Variants in STIM2 observed in about 807,000 individuals in gnomAD.
The protein encoded by STIM2 is stromal interaction molecule 2.
Under a neutral mutation model 85.8 loss-of-function variants are expected in STIM2, and 31 were observed. The observed-to-expected ratio is 0.36, with a 90% CI of 0.27 to 0.49. The LOEUF is 0.49. STIM2 is among the 20% of genes least tolerant of loss of function. The pLI is 0.98. For missense variants in STIM2, 841 were observed against 927.6 expected (o/e 0.91, Z 1.21); for synonymous variants, 356 against 331.1 (o/e 1.08, Z -0.82).
chr4:26,941,242 T>C (rs1560214108), intron 2 of STIM2, among the ~76,000 whole-genome samples: 1 of 152,182 alleles, frequency 6.6e-6, no homozygotes, highest in Non-Finnish European at 1.5e-5. Flanking sequence ...TCTTTTAAGA[T>C]TAATTTAAAG....
chr4:26,981,867 C>CTTATT (rs1283729460), intron 3 of STIM2, among the ~76,000 whole-genome samples: 1 of 151,956 alleles, frequency 6.6e-6, no homozygotes, highest in Non-Finnish European at 1.5e-5. Context: ...TATCATTTGC[C>CTTATT]TTATTACAAA....
At chr4:26,927,931 G>A (rs1035235681) in intron 2 of STIM2, among the ~76,000 whole-genome samples, 1 of 149,158 alleles carries the variant, frequency 6.7e-6, no homozygotes, top group East Asian at 2.0e-4. Context: ...TGCTGCTATA[G>A]CAGGGTACTA....
intron 1 of STIM2, among the ~76,000 whole-genome samples, chr4:26,899,753 A>G (rs1330758806): frequency 2.6e-5 from 4 of 152,224 alleles, no homozygotes; most frequent in African/African-American, 9.6e-5. Flanking sequence ...ACAACTATTT[A>G]GCATATTGAA....
chr4:26,975,628 C>T (rs1228444370), intron 3 of STIM2, among the ~76,000 whole-genome samples: 1 of 152,156 alleles, frequency 6.6e-6, no homozygotes, highest in African/African-American at 2.4e-5. Flanking sequence ...CTGGAAGCTT[C>T]GTCCCACAGG....
chr4:27,017,812 C>T lies in STIM2; in HGVS notation c.1591C>T (p.Leu531Phe). ...CTCGCCTCAGCCTCAGCGAGCTCAG[C>T]TTGCTCCACACGCCCCCCACCCGTC... The change falls in exon 11 of 12, where the codon CTT becomes TTT. Residue 531 changes from leucine to phenylalanine, a missense_variant. This residue lies in a region of STIM2 where 293 missense variants were observed against 284.5 expected (regional missense o/e 1.03). Coordinates refer to ENST00000467087, the MANE Select transcript of STIM2 (RefSeq NM_020860.4). 1 of 1,614,176 alleles carries T rather than the reference C, an allele frequency of 6.2e-7. No homozygotes were observed.
intron 3 of STIM2, among the ~76,000 whole-genome samples, chr4:26,986,533 A>G (rs139908761): frequency 3.9e-4 from 60 of 152,352 alleles, no homozygotes; most frequent in African/African-American, 1.4e-3. Context: ...TTACACATGA[A>G]AGGAACAAGT....
chr4:26,923,131 G>A (rs899705751), intron 2 of STIM2, among the ~76,000 whole-genome samples: 4 of 150,954 alleles, frequency 2.6e-5, no homozygotes, highest in African/African-American at 7.3e-5. Flanking sequence ...CACGTCACAC[G>A]GCAGGGTATT....
chr4:26,951,996 A>G (rs1726070301), intron 2 of STIM2, among the ~76,000 whole-genome samples: 1 of 152,162 alleles, frequency 6.6e-6, no homozygotes, highest in African/African-American at 2.4e-5. Flanking sequence ...AGAGAAAATG[A>G]GGAAGATTCA....
At chr4:26,960,940 C>T (rs961370208) in intron 3 of STIM2, among the ~76,000 whole-genome samples, 1 of 151,404 alleles carries the variant, frequency 6.6e-6, no homozygotes, top group Non-Finnish European at 1.5e-5. Context: ...GGTGCGCTCC[C>T]GTCATCCCAG....
At chr4:26,937,956 C>G (rs1725453810) in intron 2 of STIM2, among the ~76,000 whole-genome samples, 1 of 152,096 alleles carries the variant, frequency 6.6e-6, no homozygotes, top group African/African-American at 2.4e-5. Context: ...ACTTTCCATT[C>G]CTTTTTCTTT....
At chr4:26,954,432 C>T (rs755887793) in intron 2 of STIM2, among the ~76,000 whole-genome samples, 2 of 128,408 alleles carry the variant, frequency 1.6e-5, no homozygotes, top group Non-Finnish European at 3.3e-5. Flanking sequence ...ATTTGCCGTA[C>T]ATTATTTGAA....
At chr4:26,874,883 G>C (rs747922492) in intron 1 of STIM2, among the ~76,000 whole-genome samples, 3 of 152,188 alleles carry the variant, frequency 2.0e-5, no homozygotes, top group Non-Finnish European at 4.4e-5. Context: ...TGAAGGTGCT[G>C]CTGTCATAAT....
chr4:26,955,078 T>C (rs1234199689), intron 2 of STIM2, among the ~76,000 whole-genome samples: 3 of 146,842 alleles, frequency 2.0e-5, no homozygotes, highest in Non-Finnish European at 4.5e-5. Context: ...ATTTTATTTC[T>C]AAGAATTCTT....
At chr4:27,009,814 T>G (rs1468714766) in intron 10 of STIM2, among the ~76,000 whole-genome samples, 1 of 152,224 alleles carries the variant, frequency 6.6e-6, no homozygotes, top group Non-Finnish European at 1.5e-5. Flanking sequence ...TTGAATTATA[T>G]GCACTTAAGC....
chr4:26,898,885 T>A (rs1422794548), intron 1 of STIM2, among the ~76,000 whole-genome samples: 1 of 152,172 alleles, frequency 6.6e-6, no homozygotes, highest in East Asian at 1.9e-4. Context: ...TTTAAAAAAA[T>A]TTAGCAATCT....
chr4:26,982,187 G>A (rs1727424368), intron 3 of STIM2, among the ~76,000 whole-genome samples: 1 of 152,110 alleles, frequency 6.6e-6, no homozygotes, highest in Admixed American at 6.5e-5. Context: ...TCAACATCTT[G>A]TCCGTGAAGA....
chr4:26,869,169 C>T (rs956734435), intron 1 of STIM2, among the ~76,000 whole-genome samples: 8 of 151,938 alleles, frequency 5.3e-5, no homozygotes, highest in African/African-American at 9.7e-5. Context: ...TGATGATGTG[C>T]GCCTGTATTC....
intron 5 of STIM2, among the ~76,000 whole-genome samples, chr4:27,000,061 T>C (rs900395448): frequency 1.3e-5 from 2 of 152,126 alleles, no homozygotes; most frequent in African/African-American, 4.8e-5. Context: ...TGTTTTTTTT[T>C]TTTAGTCAAA....
In STIM2 at chr4:26,947,447, G is replaced by A. The variant is rs981210711; in HGVS notation, c.283-10165G>A. ...AAGCTTGTGAAAATGTCTTGATTCA[G>A]GTACTCATAATACCAGTGTGGGTGG... On this transcript the variant is annotated intron_variant, in intron 2 of 11. Coordinates refer to ENST00000467087, the MANE Select transcript of STIM2 (RefSeq NM_020860.4). 5.3e-5 allele frequency among the ~76,000 whole-genome samples: 8 copies of A among 152,200 alleles called. No individual in the cohort carries two copies. The South Asian group carries it at 1.7e-3, about 32-fold the overall frequency.
Sources: allele counts gnomAD v4.1 joint callset (sites outside exome capture counted in the v4.1 genomes callset), GRCh38; gene constraint gnomAD v4.1.1; regional missense constraint gnomAD v4.1.1; transcripts MANE v1.5; gene names NCBI Gene and HGNC (gene_info 2026-07-23, HGNC 2026-07-21).